Variants in SKIC3 observed in about 807,000 individuals in gnomAD.
SKIC3 encodes the protein SKI3 subunit of superkiller complex.
At chr5:95,529,177 C>A in the SKIC3 span, 1 of 1,195,520 alleles carries the variant, frequency 8.4e-7, no homozygotes. Flanking sequence ...TGCCTACTCT[C>A]CAAATCAGAC....
chr5:95,552,587 C>T, the SKIC3 span, among the ~76,000 whole-genome samples: 2 of 152,110 alleles, frequency 1.3e-5, no homozygotes, highest in East Asian at 1.9e-4. Context: ...TTTGAGCACA[C>T]GCCTGGGGAA....
the SKIC3 span, among the ~76,000 whole-genome samples, chr5:95,488,550 A>T: frequency 6.6e-6 from 1 of 152,216 alleles, no homozygotes; most frequent in Non-Finnish European, 1.5e-5. Context: ...GAAAAGAAAA[A>T]AACTGTCAGC....
the SKIC3 span, among the ~76,000 whole-genome samples, chr5:95,505,797 C>T: frequency 1.9e-4 from 29 of 149,966 alleles, no homozygotes; most frequent in Non-Finnish European, 3.7e-4. Context: ...TGGGCAACAG[C>T]GCGAGACTCT....
chr5:95,514,766 T>C, the SKIC3 span: 16 of 1,367,570 alleles, frequency 1.2e-5, no homozygotes, highest in Non-Finnish European at 1.6e-5. Context: ...CCTCAAATGC[T>C]ATCCGTTACC....
the SKIC3 span, among the ~76,000 whole-genome samples, chr5:95,488,259 T>C: frequency 2.0e-4 from 30 of 152,258 alleles, 1 homozygote; most frequent in Middle Eastern, 3.4e-3. Flanking sequence ...AAAAAAACTA[T>C]TTAACAAAAT....
the SKIC3 span, among the ~76,000 whole-genome samples, chr5:95,534,075 A>T: frequency 2.6e-5 from 4 of 152,168 alleles, no homozygotes; most frequent in African/African-American, 9.7e-5. Flanking sequence ...TAACAACAGT[A>T]ACAGCAGAAT....
the SKIC3 span, chr5:95,490,766 G>A: frequency 1.9e-6 from 2 of 1,053,106 alleles, no homozygotes; most frequent in Admixed American, 2.2e-5. Context: ...CCAAAGTGCT[G>A]GGATTACAGG....
chr5:95,529,187 C>T, the SKIC3 span: 3 of 1,089,582 alleles, frequency 2.8e-6, no homozygotes, highest in Non-Finnish European at 4.2e-6. Context: ...CCAAATCAGA[C>T]TCCTCCCCTC....
the SKIC3 span, chr5:95,495,110 T>C: frequency 4.8e-6 from 6 of 1,242,354 alleles, no homozygotes; most frequent in Non-Finnish European, 7.1e-6. Flanking sequence ...ACTAAATCAC[T>C]GGAAAGGTTC....
the SKIC3 span, chr5:95,503,000 T>C: frequency 1.9e-6 from 3 of 1,614,016 alleles, no homozygotes; most frequent in Non-Finnish European, 2.5e-6. Context: ...GGCTCTCTCA[T>C]AGGCTGTTAC....
At chr5:95,498,730 A>G in the SKIC3 span, 1 of 779,790 alleles carries the variant, frequency 1.3e-6, no homozygotes, top group Admixed American at 2.4e-5. Context: ...GGTTCACGCC[A>G]TTCTCCTGCC....
the SKIC3 span, chr5:95,484,886 T>C: frequency 6.2e-7 from 1 of 1,605,070 alleles, no homozygotes; most frequent in Non-Finnish European, 8.5e-7. Context: ...TTCTGCAATT[T>C]ATAATGTGTT....
At chr5:95,525,070 G>A in the SKIC3 span, among the ~76,000 whole-genome samples, 2 of 151,910 alleles carry the variant, frequency 1.3e-5, no homozygotes, top group Non-Finnish European at 2.9e-5. Flanking sequence ...TTTTAGTAGA[G>A]ATGGGGTTTC....
At chr5:95,524,637 CACACACCCACACGCAATATAGG>C in the SKIC3 span, 1 of 1,608,262 alleles carries the variant, frequency 6.2e-7, no homozygotes, top group Non-Finnish European at 8.5e-7. Context: ...AACAAATACA[CACACACCCACACGCAATATAGG>C]AGACTCCTAG....
At chr5:95,503,951 G>A in the SKIC3 span, 1 of 1,613,468 alleles carries the variant, frequency 6.2e-7, no homozygotes, top group African/African-American at 1.3e-5. Flanking sequence ...AAGAAGTAAA[G>A]CACAACTTAC....
the SKIC3 span, among the ~76,000 whole-genome samples, chr5:95,539,294 T>A: frequency 6.6e-6 from 1 of 151,712 alleles, no homozygotes; most frequent in Non-Finnish European, 1.5e-5. Flanking sequence ...GCTAAGGACA[T>A]GAACAGAAAA....
the SKIC3 span, among the ~76,000 whole-genome samples, chr5:95,484,035 T>A: frequency 6.6e-6 from 1 of 152,190 alleles, no homozygotes; most frequent in South Asian, 2.1e-4. Context: ...AAAAATTTTT[T>A]AAAGACCTAT....
chr5:95,541,764 A>C, the SKIC3 span: 1 of 1,316,030 alleles, frequency 7.6e-7, no homozygotes, highest in Non-Finnish European at 1.1e-6. Context: ...TAATCAGTTT[A>C]TTAAAATTCA....
chr5:95,541,095 T>A, the SKIC3 span, among the ~76,000 whole-genome samples: 1 of 152,086 alleles, frequency 6.6e-6, no homozygotes, highest in South Asian at 2.1e-4. Context: ...GCCTCCTGAG[T>A]AGCTGGTATT....
Sources: allele counts gnomAD v4.1 joint callset (sites outside exome capture counted in the v4.1 genomes callset), GRCh38; gene constraint gnomAD v4.1.1; transcripts MANE v1.5; gene names NCBI Gene and HGNC (gene_info 2026-07-23, HGNC 2026-07-21).